ALG12: variants seen among roughly 807,000 people sequenced by gnomAD.
ALG12 encodes ALG12 alpha-1,6-mannosyltransferase.
Under a neutral mutation model 46.0 loss-of-function variants are expected in ALG12, and 36 were observed. That is an observed-to-expected ratio of 0.78 (90% confidence interval 0.60 to 1.03). The LOEUF is 1.03. Ranked by LOEUF, ALG12 falls within the 50% of genes least tolerant of loss-of-function variation. ALG12 has a pLI of 0.00. For missense variants in ALG12, 599 were observed against 633.5 expected (o/e 0.95, Z 0.58); for synonymous variants, 326 against 291.6 (o/e 1.12, Z -1.20).
chr22:49,913,018 T>G (rs2060588036), intron 3 of ALG12, among the ~76,000 whole-genome samples: 1 of 152,226 alleles, frequency 6.6e-6, no homozygotes, highest in South Asian at 2.1e-4. Flanking sequence ...TTTCTGTTTG[T>G]AACATTCCCC....
In ALG12 at chr22:49,917,945, TCCGGCCCCAGGTGAGGAGC is replaced by T. The variant is rs1234412112; in HGVS notation, c.-79+299_-79+317del. Among the ~76,000 whole-genome samples the T allele has an allele frequency of 1.3e-3, 174 of 135,848 alleles. 4 individuals are homozygous for T. In the East Asian group the frequency reaches 0.027, roughly 21 times the overall value. The allele number at this position is 135,848 out of a possible 152,430, so 89.1% of individuals were successfully genotyped here. On this transcript the variant is annotated intron_variant, in intron 1 of 9. Transcript: ENST00000330817. Reference sequence around the variant, plus strand: ...AAAAACCCATCCCCCAGGTGGGAGGTCCGGCCCCAGGTGAGGAGCCCGGCCCCAGGTGAGAGGTCCAGCC... The same window carrying T: ...AAAAACCCATCCCCCAGGTGGGAGGTCCGGCCCCAGGTGAGAGGTCCAGCC...
chr22:49,897,671 T>C (rs1330857453), downstream of ALG12, among the ~76,000 whole-genome samples: 26 of 145,728 alleles, frequency 1.8e-4, no homozygotes, highest in Middle Eastern at 3.4e-3. Flanking sequence ...TTCTTTTTTT[T>C]TTTTTTTTTT....
In ALG12 at chr22:49,902,141, GGTGT is replaced by G. The variant is rs1267115363; in HGVS notation, c.*1693_*1696del. ...TAATGTGCACGTGTGCACTGTGTGT[GGTGT>G]GTATGCATGGTGTGTGCACGTGTGC... On this transcript the variant is annotated 3_prime_UTR_variant, in exon 10 of 10. Transcript: ENST00000330817. 2 of 135,348 alleles carry G rather than the reference GGTGT, an allele frequency of 1.5e-5. No individual in the cohort carries two copies. Among genetic ancestry groups the G allele is most frequent in the Non-Finnish European group, 3.1e-5 (2 of 64,100 alleles). 8.4% of individuals were successfully genotyped at this position (135,348 alleles called of 1,614,324 possible). A position where few individuals can be genotyped will look rare whatever the true frequency, so the allele number is the denominator to read the frequency against.
intron 3 of ALG12, among the ~76,000 whole-genome samples, chr22:49,912,058 CGGG>C (rs2060580774): frequency 8.4e-6 from 1 of 118,964 alleles, no homozygotes; most frequent in African/African-American, 4.0e-5. Context: ...GCCTCGGCCG[CGGG>C]ATCAGCCTGG....
chr22:49,910,282 CA>C, intron 4 of ALG12, 151 bp downstream of exon 4: 2 of 1,262,668 alleles, frequency 1.6e-6, no homozygotes, highest in South Asian at 1.4e-5. Flanking sequence ...GCATGGAAAA[CA>C]AAGAGCCTGG....
At chr22:49,911,491 G>A (rs903140658) in intron 3 of ALG12, among the ~76,000 whole-genome samples, 37 of 152,112 alleles carry the variant, frequency 2.4e-4, no homozygotes, top group African/African-American at 8.4e-4. Flanking sequence ...CTGGAGTGCA[G>A]TGGCATAATC....
chr22:49,863,395 G>A, the ALG12 span, among the ~76,000 whole-genome samples: 548 of 152,310 alleles, frequency 3.6e-3, 3 homozygotes, highest in Non-Finnish European at 6.5e-3. Flanking sequence ...TTGGGAGGCC[G>A]AGGCAGGCGG....
At chr22:49,867,150 G>GT in the ALG12 span, among the ~76,000 whole-genome samples, 18 of 152,280 alleles carry the variant, frequency 1.2e-4, 1 homozygote, top group South Asian at 3.7e-3. Flanking sequence ...CTCACGGTTT[G>GT]TTTTTCACCC....
the ALG12 span, among the ~76,000 whole-genome samples, chr22:49,861,777 T>C: frequency 6.6e-6 from 1 of 152,172 alleles, no homozygotes; most frequent in Non-Finnish European, 1.5e-5. Flanking sequence ...TGTATGAATG[T>C]GTGGGTCCTA....
chr22:49,909,921 C>T lies in ALG12; in HGVS notation c.637G>A (p.Ala213Thr), dbSNP rs200241636. 2.7e-5 allele frequency: 44 copies of T among 1,614,136 alleles called. No individual in the cohort carries two copies. Among genetic ancestry groups the T allele is most frequent in the African/African-American group, 1.5e-4 (11 of 75,070 alleles). ...AAACAGAGGATCCCTGCCGGGACGG[C>T]GTGGCGAAGGGCTCTGACTACAGAA... ...KVSVVRALRH[A>T]VPAGILCLGL... is the part of the protein sequence containing the mutation. Residue 213 changes from alanine to threonine, a missense_variant, in exon 5 of 10, where the codon GCC becomes ACC. By Grantham distance (58) the Ala-to-Thr change is moderately conservative. Coordinates refer to ENST00000330817, the MANE Select transcript of ALG12 (RefSeq NM_024105.4).
chr22:49,909,340 C>T lies in ALG12; in HGVS notation c.672G>A (p.Thr224=), dbSNP rs747205653. ...GCCAAAAATAAGAGTCCACAGCAAC[C>T]GTCAGTCCTGACAAAATAAAATAGA... ...VPAGILCLGL[T]VAVDSYFWRQ... Residue 224 remains threonine, a synonymous_variant, in exon 6 of 10, where the codon ACG becomes ACA. Coordinates refer to ENST00000330817, the MANE Select transcript of ALG12 (RefSeq NM_024105.4). The T allele has an allele frequency of 7.4e-6, 12 of 1,614,088 alleles. No homozygotes were observed. The highest frequency in any genetic ancestry group is 2.2e-5 in the East Asian group (1 of 44,904).
At chr22:49,911,231 C>A (rs2060574873) in intron 3 of ALG12, among the ~76,000 whole-genome samples, 1 of 152,202 alleles carries the variant, frequency 6.6e-6, no homozygotes, top group African/African-American at 2.4e-5. Flanking sequence ...GCTCTTGCTA[C>A]CTTTCCAGAA....
At position 49,901,906 on chromosome 22, in the gene ALG12, A is replaced by T. The variant is rs1253610966; in HGVS notation, c.*1932T>A. The T allele has an allele frequency of 1.7e-5, 2 of 118,144 alleles. No homozygotes were observed. Among genetic ancestry groups the T allele is most frequent in the Admixed American group, 1.9e-4 (2 of 10,476 alleles). The allele number at this position is 118,144 out of a possible 1,614,324, so 7.3% of individuals were successfully genotyped here. ...GTGCACGTGTGCACTGTGTGTATGC[A>T]TGGTAATGTGCACGCATGCACTGTG... On this transcript the variant is annotated 3_prime_UTR_variant, in exon 10 of 10. Coordinates refer to ENST00000330817, the MANE Select transcript of ALG12 (RefSeq NM_024105.4).
the ALG12 span, chr22:49,886,643 C>G: frequency 1.3e-6 from 2 of 1,596,956 alleles, no homozygotes. This position sits in a 1 kb window ranked among gnomAD's most constrained non-coding sequence, Gnocchi z 7.7. Flanking sequence ...AGCCGCCTGT[C>G]TGCCACCCTC....
the ALG12 span, chr22:49,883,547 C>A: frequency 1.5e-6 from 2 of 1,361,332 alleles, no homozygotes; most frequent in East Asian, 2.5e-5. Context: ...TAGAAACATC[C>A]TGAAAGATGG....
At chr22:49,886,521 C>T in the ALG12 span, 4 of 1,569,026 alleles carry the variant, frequency 2.5e-6, no homozygotes, top group Admixed American at 3.6e-5. The surrounding 1 kb of genome is among the most constrained non-coding windows in gnomAD (Gnocchi z 7.7). Context: ...AGATGTCCAC[C>T]CTCAGCCAGG....
At chr22:49,878,257 G>GCAC in the ALG12 span, among the ~76,000 whole-genome samples, 1 of 138,460 alleles carries the variant, frequency 7.2e-6, no homozygotes, top group Admixed American at 8.3e-5. Flanking sequence ...GTGAGCCAAC[G>GCAC]CACCACTGCA....
the ALG12 span, among the ~76,000 whole-genome samples, chr22:49,868,300 T>C: frequency 4.6e-5 from 7 of 152,226 alleles, no homozygotes; most frequent in African/African-American, 1.7e-4. Context: ...GAGCTTACTA[T>C]ATTTCAAATG....
the ALG12 span, chr22:49,889,804 A>G: frequency 6.0e-6 from 1 of 167,158 alleles, no homozygotes; most frequent in East Asian, 1.9e-4. Flanking sequence ...GGGTGCAACT[A>G]GAAAATATGT....
Sources: allele counts gnomAD v4.1 joint callset (sites outside exome capture counted in the v4.1 genomes callset), GRCh38; gene constraint gnomAD v4.1.1; non-coding constraint Gnocchi (gnomAD v3.1); transcripts MANE v1.5; gene names NCBI Gene and HGNC (gene_info 2026-07-23, HGNC 2026-07-21).